The following C1orf87 variants were observed in gnomAD, a reference collection of about 807,000 sequenced individuals.
C1orf87 encodes the protein uncharacterized protein C1orf87.
In C1orf87, 58 loss-of-function variants were observed where a neutral mutation model predicts 60.5. The ratio of observed to expected loss-of-function variants is 0.96; its 90% CI spans 0.78 to 1.19. C1orf87 has a LOEUF of 1.19. Ranked by LOEUF, C1orf87 falls within the 50% of genes most tolerant of loss-of-function variation. C1orf87 has a pLI of 0.00. For missense variants in C1orf87, 673 were observed against 638.6 expected (o/e 1.05, Z -0.58); for synonymous variants, 236 against 227.4 (o/e 1.04, Z -0.34).
chr1:60,073,742 C>G lies in C1orf87; in HGVS notation c.-80G>C, dbSNP rs1319891122. 1 of 152,388 alleles carries G rather than the reference C, an allele frequency of 6.6e-6. No individual in the cohort carries two copies. The highest frequency in any genetic ancestry group is 1.5e-5 in the Non-Finnish European group (1 of 68,160). The allele number at this position is 152,388 out of a possible 1,614,324, so 9.4% of individuals were successfully genotyped here. ...GCTCAGAGGTGCGCGGTCCGTGCTT[C>G]TCCCCAGGAAGCTGACACTCTCAGA... On this transcript the variant is annotated 5_prime_UTR_variant, in exon 1 of 12. Coordinates refer to ENST00000371201, the MANE Select transcript of C1orf87 (RefSeq NM_152377.3).
chr1:60,048,826 T>TC (rs1645392258), intron 3 of C1orf87, among the ~76,000 whole-genome samples: 1 of 151,978 alleles, frequency 6.6e-6, no homozygotes, highest in Admixed American at 6.6e-5. Context: ...TATATATTTT[T>TC]CTACCTCACT....
intron 8 of C1orf87, among the ~76,000 whole-genome samples, chr1:60,019,388 T>G (rs1645146660): frequency 6.6e-6 from 1 of 152,166 alleles, no homozygotes. Context: ...GTAAGTCAAT[T>G]AAACCTCTTT....
intron 8 of C1orf87, among the ~76,000 whole-genome samples, chr1:60,022,705 T>C (rs607385): frequency 0.97 from 147,392 of 152,206 alleles, 71,448 homozygotes; most frequent in Non-Finnish European, 0.99. Context: ...TAAGAAAGTA[T>C]TTTACAGTTT....
intron 2 of C1orf87, among the ~76,000 whole-genome samples, chr1:60,060,094 T>C (rs1645484938): frequency 6.6e-6 from 1 of 150,860 alleles, no homozygotes; most frequent in Non-Finnish European, 1.5e-5. Flanking sequence ...CTTTTTCTTT[T>C]TTTTTTTTTA....
At chr1:60,001,856 G>T (rs1645008582) in intron 9 of C1orf87, among the ~76,000 whole-genome samples, 1 of 152,100 alleles carries the variant, frequency 6.6e-6, no homozygotes, top group Admixed American at 6.6e-5. Context: ...AGTGGATTCT[G>T]TTTTCCAGGT....
At chr1:60,030,553 G>C (rs946802088) in intron 7 of C1orf87, among the ~76,000 whole-genome samples, 4 of 152,224 alleles carry the variant, frequency 2.6e-5, no homozygotes, top group African/African-American at 9.6e-5. Flanking sequence ...GTTCTAGCTA[G>C]CTCTTCCTGG....
At chr1:60,006,747 T>C (rs1417362920) in intron 9 of C1orf87, among the ~76,000 whole-genome samples, 2 of 152,096 alleles carry the variant, frequency 1.3e-5, no homozygotes, top group African/African-American at 4.8e-5. Flanking sequence ...TGTGTCTTAA[T>C]GGGAGTTCAT....
chr1:60,036,692 G>T (rs1379467091), intron 6 of C1orf87, among the ~76,000 whole-genome samples: 2 of 152,170 alleles, frequency 1.3e-5, no homozygotes, highest in African/African-American at 2.4e-5. Context: ...CCAGGCTTTT[G>T]CAATGGAGGC....
intron 6 of C1orf87, 55 bp downstream of exon 6, chr1:60,037,937 C>T: frequency 8.4e-7 from 1 of 1,185,104 alleles, no homozygotes; most frequent in South Asian, 1.3e-5. Flanking sequence ...TTATAGCAGC[C>T]CACACAGACT....
At position 60,057,998 on chromosome 1, in the gene C1orf87, C is replaced by T. The variant is rs558338997; in HGVS notation, c.108-2560G>A. 2.6e-5 allele frequency among the ~76,000 whole-genome samples: 4 copies of T among 152,236 alleles called. No individual in the cohort carries two copies. The East Asian group carries it at 5.8e-4, about 22-fold the overall frequency. On this transcript the variant is annotated intron_variant, in intron 2 of 11. Transcript: ENST00000371201. ...CACACAGAACTGGGGCTTTGCCAGACAAACACACTCAAATGATAATAGTGC... is the reference window on the plus strand; with the variant it reads ...CACACAGAACTGGGGCTTTGCCAGATAAACACACTCAAATGATAATAGTGC...
chr1:60,000,295 C>A (rs1644993192), intron 10 of C1orf87, among the ~76,000 whole-genome samples: 1 of 152,088 alleles, frequency 6.6e-6, no homozygotes, highest in Non-Finnish European at 1.5e-5. Context: ...GCAATAAATT[C>A]TTTAAACAAG....
At position 60,033,510 on chromosome 1, in the gene C1orf87, T is replaced by C; in HGVS notation, c.995A>G (p.Asp332Gly). ...AGGGAGGCAGCCAGAGAACGAGCGA[T>C]CTTCTTTTCGAAAACTCAGATTGAG... Reference protein sequence around the residue: ...DNLNLSFRKEDRSFSGCLPLP... With the variant: ...DNLNLSFRKEGRSFSGCLPLP... The change falls in exon 7 of 12, where the codon GAT (aspartate) becomes GGT (glycine). Residue 332 changes from aspartate to glycine, a missense_variant. Asp to Gly is a moderately conservative substitution (Grantham distance 94). Coordinates refer to ENST00000371201, the MANE Select transcript of C1orf87 (RefSeq NM_152377.3). The C allele has an allele frequency of 6.2e-7, 1 of 1,613,922 alleles. No individual in the cohort carries two copies.
rs921389023 is a variant in C1orf87 at position 60,042,179 on chromosome 1, T to G, written c.343-1048A>C. On this transcript the variant is annotated intron_variant, in intron 3 of 11. Coordinates refer to ENST00000371201, the MANE Select transcript of C1orf87 (RefSeq NM_152377.3). ...TCCAAGTATGGTATCTTACCATATC[T>G]GATTAAAACAAAAACTTGGCACAAA... 9.2e-5 allele frequency among the ~76,000 whole-genome samples: 14 copies of G among 152,340 alleles called. No homozygotes were observed. The East Asian group carries it at 2.7e-3, about 29-fold the overall frequency.
intron 2 of C1orf87, among the ~76,000 whole-genome samples, chr1:60,072,279 G>T (rs1457684686): frequency 1.3e-5 from 2 of 152,150 alleles, no homozygotes; most frequent in Non-Finnish European, 2.9e-5. Context: ...ATTTATAAAT[G>T]TCGCAATGCT....
intron 9 of C1orf87, among the ~76,000 whole-genome samples, chr1:60,007,375 G>C (rs1043451997): frequency 3.3e-5 from 5 of 152,056 alleles, no homozygotes; most frequent in Non-Finnish European, 7.4e-5. Context: ...ATAAATTTAA[G>C]TGTAGATATT....
Position 60,072,544 on chromosome 1 carries a change from G to A in C1orf87, c.100C>T (p.Pro34Ser), listed in dbSNP as rs751138354. ...SKHFQYLVEK[P>S]KIKENDSLKT... ...TTTCAAATATGGACTTACATCTTTG[G>A]CTTCTCCACGAGGTATTGAAAGTGT... is the stretch of plus-strand genomic sequence containing the variant. Residue 34 changes from proline to serine, a missense_variant, in exon 2 of 12, where the codon CCA becomes TCA. Pro to Ser is a moderately conservative substitution (Grantham distance 74, BLOSUM62 -1). Transcript: ENST00000371201. The A allele has an allele frequency of 1.4e-5, 22 of 1,604,690 alleles. No individual in the cohort carries two copies. The highest frequency in any genetic ancestry group is 3.4e-5 in the Admixed American group (2 of 58,762).
At chr1:60,059,525 A>G (rs1645480848) in intron 2 of C1orf87, among the ~76,000 whole-genome samples, 1 of 152,174 alleles carries the variant, frequency 6.6e-6, no homozygotes, top group Non-Finnish European at 1.5e-5. Context: ...GTCACCCTCC[A>G]TTAGAGCACA....
At chr1:60,000,243 C>T (rs1006866631) in intron 10 of C1orf87, among the ~76,000 whole-genome samples, 5 of 152,072 alleles carry the variant, frequency 3.3e-5, no homozygotes, top group East Asian at 1.9e-4. Context: ...CAATCAATTC[C>T]GTTTGTACAG....
intron 3 of C1orf87, among the ~76,000 whole-genome samples, chr1:60,052,335 T>C (rs1390201088): frequency 7.9e-6 from 1 of 126,100 alleles, no homozygotes; most frequent in African/African-American, 2.7e-5. Context: ...ATAAACAATA[T>C]GTATTTTTTC....
Sources: allele counts gnomAD v4.1 joint callset (sites outside exome capture counted in the v4.1 genomes callset), GRCh38; gene constraint gnomAD v4.1.1; transcripts MANE v1.5; gene names NCBI Gene and HGNC (gene_info 2026-07-23, HGNC 2026-07-21).